Variants in H3C1 observed in about 807,000 individuals in gnomAD.
H3C1 encodes H3 clustered histone 1, also known as histone H3.1.
In H3C1, 14 loss-of-function variants were observed where a neutral mutation model predicts 7.3. That is an observed-to-expected ratio of 1.90 (90% CI 1.26 to 2.98). The LOEUF is 2.98. Ranked by LOEUF, H3C1 falls within the 30% of genes most tolerant of loss-of-function variation. The pLI is 0.00. For synonymous variants in H3C1, 181 were observed against 76.0 expected (o/e 2.38, Z -7.18); for missense variants, 326 against 192.2 (o/e 1.70, Z -4.12).
rs140705108 is a variant in H3C1 at position 26,020,949 on chromosome 6, C to G, written c.*49C>G. Reference sequence around the variant, plus strand: ...CAAGCAAAGGCTCTTTTCAGAGCCACCACCTTTTCAAGTAAAGTAGCTGTA... The same window carrying G: ...CAAGCAAAGGCTCTTTTCAGAGCCAGCACCTTTTCAAGTAAAGTAGCTGTA... On this transcript the variant is annotated 3_prime_UTR_variant, in exon 1 of 1. Transcript: ENST00000613854. 2.7e-5 allele frequency: 42 copies of G among 1,575,358 alleles called. No individual in the cohort carries two copies. In the East Asian group the frequency reaches 9.4e-4, roughly 35 times the overall value.
Position 26,020,609 on chromosome 6 carries a change from C to T in H3C1, c.120C>T (p.His40=). ...CCACCGGCGGCGTGAAAAAGCCCCA[C>T]CGCTACCGGCCGGGCACCGTGGCTC... is the stretch of plus-strand genomic sequence containing the variant. The part of the protein sequence containing the change: ...APATGGVKKP[H]RYRPGTVALR... Residue 40 remains histidine (H), a synonymous_variant, in exon 1 of 1, where the codon CAC becomes CAT. Transcript: ENST00000613854. The T allele has an allele frequency of 4.3e-6, 7 of 1,614,240 alleles. No homozygotes were observed. The highest frequency in any genetic ancestry group is 3.3e-5 in the South Asian group (3 of 91,090).
rs755916303 is a variant in H3C1, at chr6:26,020,761, T to A, written c.272T>A (p.Met91Lys). 1.2e-6 allele frequency: 2 copies of A among 1,614,258 alleles called. No homozygotes were observed. Among genetic ancestry groups the A allele is most frequent in the Non-Finnish European group, 1.7e-6 (2 of 1,180,048 alleles). ...TDLRFQSSAV[M>K]ALQEACEAYL... ...CTGCGTTTCCAGAGCTCCGCTGTGA[T>A]GGCTCTGCAGGAGGCGTGCGAGGCC... Residue 91 changes from methionine to lysine, a missense_variant, in exon 1 of 1, where the codon ATG becomes AAG. Met to Lys is a moderately conservative substitution (Grantham distance 95, BLOSUM62 -1). Transcript: ENST00000613854.
In H3C1 at chr6:26,020,681, T is replaced by C. The variant is rs201002007; in HGVS notation, c.192T>C (p.Arg64=). The C allele has an allele frequency of 5.6e-6, 9 of 1,614,236 alleles. No homozygotes were observed. Among genetic ancestry groups the C allele is most frequent in the Non-Finnish European group, 5.1e-6 (6 of 1,180,038 alleles). Residue 64 remains arginine, a synonymous_variant, in exon 1 of 1, where the codon CGT becomes CGC. Transcript: ENST00000613854. ...RYQKSTELLI[R]KLPFQRLVRE... is the part of the protein sequence containing the mutation. ...AGAAGTCCACTGAACTGCTTATTCGTAAACTACCTTTCCAGCGCCTGGTGC... is the reference window on the plus strand; with the variant it reads ...AGAAGTCCACTGAACTGCTTATTCGCAAACTACCTTTCCAGCGCCTGGTGC...
chr6:26,020,557 C>T lies in H3C1; in HGVS notation c.68C>T (p.Thr23Ile), dbSNP rs1215392834. 6.2e-7 allele frequency: 1 copy of T among 1,614,202 alleles called. No homozygotes were observed. The highest frequency in any genetic ancestry group is 8.5e-7 in the Non-Finnish European group (1 of 1,180,036). Residue 23 changes from threonine (T) to isoleucine (I), a missense_variant, in exon 1 of 1, where the codon ACT (threonine) becomes ATT (isoleucine). Thr to Ile is a moderately conservative substitution (Grantham distance 89, BLOSUM62 -1). Transcript: ENST00000613854. ...GGKAPRKQLA[T>I]KAARKSAPAT... The stretch of plus-strand genomic sequence containing the variant: ...AAGGCGCCACGCAAACAGTTGGCCA[C>T]TAAGGCAGCCCGCAAAAGCGCTCCG...
In H3C1 at chr6:26,020,648, C is replaced by G. The variant is rs370998471; in HGVS notation, c.159C>G (p.Arg53=). 6.2e-7 allele frequency: 1 copy of G among 1,614,242 alleles called. No homozygotes were observed. Among genetic ancestry groups the G allele is most frequent in the Non-Finnish European group, 8.5e-7 (1 of 1,180,048 alleles). The part of the protein sequence containing the change: ...RPGTVALREI[R]RYQKSTELLI... Reference sequence around the variant, plus strand: ...GCACCGTGGCTCTGCGCGAGATCCGCCGTTATCAGAAGTCCACTGAACTGC... The same window carrying G: ...GCACCGTGGCTCTGCGCGAGATCCGGCGTTATCAGAAGTCCACTGAACTGC... The change falls in exon 1 of 1, where the codon CGC becomes CGG. Residue 53 remains arginine (R), a synonymous_variant. Transcript: ENST00000613854.
In H3C1 at chr6:26,020,682, A is replaced by G. The variant is rs777635695; in HGVS notation, c.193A>G (p.Lys65Glu). 1.9e-6 allele frequency: 3 copies of G among 1,614,222 alleles called. No individual in the cohort carries two copies. Among genetic ancestry groups the G allele is most frequent in the South Asian group, 1.1e-5 (1 of 91,086 alleles). Residue 65 changes from lysine (K) to glutamate (E), a missense_variant, in exon 1 of 1, where the codon AAA becomes GAA. Coordinates refer to ENST00000613854, the MANE Select transcript of H3C1 (RefSeq NM_003529.3). Reference protein sequence around the residue: ...YQKSTELLIRKLPFQRLVREI... With the variant: ...YQKSTELLIRELPFQRLVREI... ...GAAGTCCACTGAACTGCTTATTCGT[A>G]AACTACCTTTCCAGCGCCTGGTGCG... is the stretch of plus-strand genomic sequence containing the variant.
Position 26,020,537 on chromosome 6 carries a change from G to T in H3C1, c.48G>T (p.Ala16=), listed in dbSNP as rs1581627216. The T allele has an allele frequency of 1.9e-5, 30 of 1,614,126 alleles. No individual in the cohort carries two copies. Among genetic ancestry groups the T allele is most frequent in the Non-Finnish European group, 2.5e-5 (30 of 1,180,018 alleles). Residue 16 remains alanine, a synonymous_variant, in exon 1 of 1, where the codon GCG becomes GCT. Coordinates refer to ENST00000613854, the MANE Select transcript of H3C1 (RefSeq NM_003529.3). ...QTARKSTGGK[A]PRKQLATKAA... Reference sequence around the variant, plus strand: ...CTCGGAAGTCTACTGGTGGCAAGGCGCCACGCAAACAGTTGGCCACTAAGG... The same window carrying T: ...CTCGGAAGTCTACTGGTGGCAAGGCTCCACGCAAACAGTTGGCCACTAAGG...
In H3C1 at chr6:26,020,562, G is replaced by A. The variant is rs755567936; in HGVS notation, c.73G>A (p.Ala25Thr). Reference protein sequence around the residue: ...KAPRKQLATKAARKSAPATGG... With the variant: ...KAPRKQLATKTARKSAPATGG... ...GCCACGCAAACAGTTGGCCACTAAG[G>A]CAGCCCGCAAAAGCGCTCCGGCCAC... Residue 25 changes from alanine to threonine, a missense_variant, in exon 1 of 1, where the codon GCA becomes ACA. Transcript: ENST00000613854. The A allele has an allele frequency of 1.5e-5, 24 of 1,614,062 alleles. No individual in the cohort carries two copies. The highest frequency in any genetic ancestry group is 1.6e-4 in the Middle Eastern group (1 of 6,084).
chr6:26,020,582 G>T lies in H3C1; in HGVS notation c.93G>T (p.Pro31=). 12 of 1,614,188 alleles carry T rather than the reference G, an allele frequency of 7.4e-6. No homozygotes were observed. Among genetic ancestry groups the T allele is most frequent in the Non-Finnish European group, 1.0e-5 (12 of 1,180,038 alleles). The change falls in exon 1 of 1, where the codon CCG becomes CCT. Residue 31 remains proline (P), a synonymous_variant. Transcript: ENST00000613854. ...CTAAGGCAGCCCGCAAAAGCGCTCC[G>T]GCCACCGGCGGCGTGAAAAAGCCCC... The part of the protein sequence containing the change: ...LATKAARKSA[P]ATGGVKKPHR...
Position 26,020,682 on chromosome 6 carries a change from A to T in H3C1, c.193A>T (p.Lys65Ter), listed in dbSNP as rs777635695. 4 of 1,614,222 alleles carry T rather than the reference A, an allele frequency of 2.5e-6. No homozygotes were observed. Among genetic ancestry groups the T allele is most frequent in the Non-Finnish European group, 2.5e-6 (3 of 1,180,024 alleles). The part of the protein sequence containing the change: ...YQKSTELLIR[K>*]LPFQRLVREI... ...GAAGTCCACTGAACTGCTTATTCGT[A>T]AACTACCTTTCCAGCGCCTGGTGCG... is the stretch of plus-strand genomic sequence containing the variant. Residue 65 changes from lysine to a stop codon, truncating the protein, a stop_gained, in exon 1 of 1, where the codon AAA becomes TAA. Coordinates refer to ENST00000613854, the MANE Select transcript of H3C1 (RefSeq NM_003529.3). LOFTEE classifies it high-confidence loss of function.
chr6:26,020,593 G>A lies in H3C1; in HGVS notation c.104G>A (p.Gly35Asp), dbSNP rs758782004. 1.9e-6 allele frequency: 3 copies of A among 1,614,202 alleles called. No homozygotes were observed. The highest frequency in any genetic ancestry group is 2.5e-6 in the Non-Finnish European group (3 of 1,180,044). ...AARKSAPATGGVKKPHRYRPG... is the reference protein window; with the variant it reads ...AARKSAPATGDVKKPHRYRPG... ...CGCAAAAGCGCTCCGGCCACCGGCGGCGTGAAAAAGCCCCACCGCTACCGG... is the reference window on the plus strand; with the variant it reads ...CGCAAAAGCGCTCCGGCCACCGGCGACGTGAAAAAGCCCCACCGCTACCGG... The change falls in exon 1 of 1, where the codon GGC becomes GAC. Residue 35 changes from glycine (G) to aspartate (D), a missense_variant. Gly to Asp is a moderately conservative substitution (Grantham distance 94). Transcript: ENST00000613854.
chr6:26,020,501 T>C lies in H3C1; in HGVS notation c.12T>C (p.Thr4=), dbSNP rs762602280. 2.2e-5 allele frequency: 36 copies of C among 1,614,054 alleles called. No homozygotes were observed. Among genetic ancestry groups the C allele is most frequent in the Non-Finnish European group, 3.1e-5 (36 of 1,179,998 alleles). MAR[T]KQTARKSTGG... is the part of the protein sequence containing the mutation. Reference sequence around the variant, plus strand: ...GCTGTTTTTCCGTCATGGCTCGCACTAAGCAAACTGCTCGGAAGTCTACTG... The same window carrying C: ...GCTGTTTTTCCGTCATGGCTCGCACCAAGCAAACTGCTCGGAAGTCTACTG... The change falls in exon 1 of 1, where the codon ACT becomes ACC. Residue 4 remains threonine (T), a synonymous_variant. Coordinates refer to ENST00000613854, the MANE Select transcript of H3C1 (RefSeq NM_003529.3).
Position 26,020,900 on chromosome 6 carries a change from A to T in H3C1, c.411A>T (p.Ter137CysextTer6), listed in dbSNP as rs761826916. The change falls in exon 1 of 1, where the codon TGA becomes TGT. Residue 137 changes from the stop codon to cysteine (C), a stop_lost. Transcript: ENST00000613854. The stretch of plus-strand genomic sequence containing the variant: ...GCCGCATCCGCGGAGAGAGGGCGTG[A>T]TTACTGTGGTCTCTCTGACGGTCCA... ...LARRIRGERA[*>C] 6.2e-7 allele frequency: 1 copy of T among 1,614,190 alleles called. No individual in the cohort carries two copies. The highest frequency in any genetic ancestry group is 1.1e-5 in the South Asian group (1 of 91,082).
Position 26,020,513 on chromosome 6 carries a change from T to A in H3C1, c.24T>A (p.Ala8=), listed in dbSNP as rs1379826460. The A allele has an allele frequency of 2.8e-5, 45 of 1,613,980 alleles. No individual in the cohort carries two copies. The highest frequency in any genetic ancestry group is 6.7e-5 in the African/African-American group (5 of 74,906). MARTKQT[A]RKSTGGKAPR... The stretch of plus-strand genomic sequence containing the variant: ...TCATGGCTCGCACTAAGCAAACTGC[T>A]CGGAAGTCTACTGGTGGCAAGGCGC... Residue 8 remains alanine (A), a synonymous_variant, in exon 1 of 1, where the codon GCT becomes GCA. Transcript: ENST00000613854.
rs148814851 is a variant in H3C1, at chr6:26,020,546, A to G, written c.57A>G (p.Lys19=). ...RKSTGGKAPR[K]QLATKAARKS... Reference sequence around the variant, plus strand: ...CTACTGGTGGCAAGGCGCCACGCAAACAGTTGGCCACTAAGGCAGCCCGCA... The same window carrying G: ...CTACTGGTGGCAAGGCGCCACGCAAGCAGTTGGCCACTAAGGCAGCCCGCA... The change falls in exon 1 of 1, where the codon AAA becomes AAG. Residue 19 remains lysine, a synonymous_variant. Transcript: ENST00000613854. The G allele has an allele frequency of 4.3e-6, 7 of 1,613,986 alleles. No individual in the cohort carries two copies. The African/African-American group carries it at 6.7e-5, about 15-fold the overall frequency.
Position 26,020,559 on chromosome 6 carries a change from A to G in H3C1, c.70A>G (p.Lys24Glu). 1 of 1,614,194 alleles carries G rather than the reference A, an allele frequency of 6.2e-7. No homozygotes were observed. The highest frequency in any genetic ancestry group is 8.5e-7 in the Non-Finnish European group (1 of 1,180,032). ...GKAPRKQLATKAARKSAPATG... is the reference protein window; with the variant it reads ...GKAPRKQLATEAARKSAPATG... ...GGCGCCACGCAAACAGTTGGCCACT[A>G]AGGCAGCCCGCAAAAGCGCTCCGGC... The change falls in exon 1 of 1, where the codon AAG (lysine) becomes GAG (glutamate). Residue 24 changes from lysine (K) to glutamate (E), a missense_variant. Coordinates refer to ENST00000613854, the MANE Select transcript of H3C1 (RefSeq NM_003529.3).
At position 26,020,524 on chromosome 6, in the gene H3C1, C is replaced by G. The variant is rs144334321; in HGVS notation, c.35C>G (p.Thr12Ser). The change falls in exon 1 of 1, where the codon ACT (threonine) becomes AGT (serine). Residue 12 changes from threonine to serine, a missense_variant. Physicochemically the swap from Thr to Ser is moderately conservative, Grantham distance 58. Transcript: ENST00000613854. ...ARTKQTARKSTGGKAPRKQLA... is the reference protein window; with the variant it reads ...ARTKQTARKSSGGKAPRKQLA... The stretch of plus-strand genomic sequence containing the variant: ...ACTAAGCAAACTGCTCGGAAGTCTA[C>G]TGGTGGCAAGGCGCCACGCAAACAG... 2 of 1,614,174 alleles carry G rather than the reference C, an allele frequency of 1.2e-6. No individual in the cohort carries two copies. Among genetic ancestry groups the G allele is most frequent in the Non-Finnish European group, 1.7e-6 (2 of 1,180,038 alleles).
chr6:26,020,928 C>T lies in H3C1; in HGVS notation c.*28C>T, dbSNP rs564724454. On this transcript the variant is annotated 3_prime_UTR_variant, in exon 1 of 1. Coordinates refer to ENST00000613854, the MANE Select transcript of H3C1 (RefSeq NM_003529.3). The stretch of plus-strand genomic sequence containing the variant: ...ACTGTGGTCTCTCTGACGGTCCAAG[C>T]AAAGGCTCTTTTCAGAGCCACCACC... 8.1e-6 allele frequency: 13 copies of T among 1,608,436 alleles called. No individual in the cohort carries two copies. The highest frequency in any genetic ancestry group is 2.7e-5 in the African/African-American group (2 of 74,644).
Position 26,020,867 on chromosome 6 carries a change from G to T in H3C1, c.378G>T (p.Gln126His), listed in dbSNP as rs140324916. ...KRVTIMPKDI[Q>H]LARRIRGERA ...TCACTATCATGCCCAAGGACATCCA[G>T]CTCGCCCGCCGCATCCGCGGAGAGA... Residue 126 changes from glutamine to histidine, a missense_variant, in exon 1 of 1, where the codon CAG (glutamine) becomes CAT (histidine). Physicochemically the swap from Gln to His is conservative, Grantham distance 24. Coordinates refer to ENST00000613854, the MANE Select transcript of H3C1 (RefSeq NM_003529.3). 18 of 1,613,952 alleles carry T rather than the reference G, an allele frequency of 1.1e-5. No individual in the cohort carries two copies. The African/African-American group carries it at 2.4e-4, about 22-fold the overall frequency.
Sources: gnomAD v4.1 joint callset for allele counts on GRCh38, gnomAD v4.1.1 for gene constraint, MANE v1.5 for transcripts, NCBI Gene and HGNC (gene_info 2026-07-23, HGNC 2026-07-21) for gene names.